The following ADAM23 variants were observed in gnomAD, a reference collection of about 807,000 sequenced individuals.
ADAM23 encodes the protein disintegrin and metalloproteinase domain-containing protein 23.
A neutral mutation model predicts 120.1 loss-of-function variants in ADAM23; 33 were observed. That is an observed-to-expected ratio of 0.27 (90% confidence interval 0.21 to 0.37). The LOEUF is 0.37. Ranked by LOEUF, ADAM23 falls within the 10% of genes least tolerant of loss-of-function variation. The pLI, the probability that ADAM23 is intolerant of heterozygous loss-of-function variation, is 1.00. For missense variants in ADAM23, 862 were observed against 1,058.2 expected, an observed-to-expected ratio of 0.81 and a Z score of 2.57; for synonymous variants, 367 against 375.2, an observed-to-expected ratio of 0.98 and a Z score of 0.25.
At chr2:206,572,982 T>G (rs1698035002) in intron 17 of ADAM23, 133 bp from the exon 18 acceptor site, 7 of 837,796 alleles carry the variant, frequency 8.4e-6, no homozygotes, top group Non-Finnish European at 1.4e-5. Flanking sequence ...GGATATTCTG[T>G]CTTGCTAATT....
At chr2:206,583,618 T>C (rs1316533626) in intron 18 of ADAM23, among the ~76,000 whole-genome samples, 1 of 152,206 alleles carries the variant, frequency 6.6e-6, no homozygotes, top group Non-Finnish European at 1.5e-5. Context: ...GTCTTTGAAC[T>C]CTTAATTTCT....
At chr2:206,608,381 C>G (rs1351086172) in intron 24 of ADAM23, among the ~76,000 whole-genome samples, 1 of 152,154 alleles carries the variant, frequency 6.6e-6, no homozygotes, top group East Asian at 1.9e-4. Context: ...CATCTTGCCG[C>G]TATCACTCAC....
chr2:206,484,686 T>G (rs1335199189), intron 3 of ADAM23, among the ~76,000 whole-genome samples: 1 of 152,174 alleles, frequency 6.6e-6, no homozygotes, highest in Admixed American at 6.5e-5. Flanking sequence ...GAAAACTAAC[T>G]GCAGTGAGAG....
rs146984813 is a variant in ADAM23, at chr2:206,602,266, A to G, written c.2359+6104A>G. Among the ~76,000 whole-genome samples the G allele has an allele frequency of 2.6e-4, 40 of 152,248 alleles. No individual in the cohort carries two copies. The East Asian group carries it at 6.7e-3, about 26-fold the overall frequency. On this transcript the variant is annotated intron_variant, in intron 24 of 25. Coordinates refer to ENST00000264377, the MANE Select transcript of ADAM23 (RefSeq NM_003812.4). ...TTTTGTTTCAGTTCAGAAAAACCCT[A>G]TTTTCATTGACAGCATAAACTGAAA...
At chr2:206,533,270 C>T (rs935998691) in intron 4 of ADAM23, among the ~76,000 whole-genome samples, 3 of 152,072 alleles carry the variant, frequency 2.0e-5, no homozygotes, top group East Asian at 1.9e-4. Flanking sequence ...GGTGCAATCT[C>T]GGCTCACTGC....
chr2:206,562,557 G>T (rs1697788434), intron 13 of ADAM23, among the ~76,000 whole-genome samples: 1 of 152,134 alleles, frequency 6.6e-6, no homozygotes, highest in Admixed American at 6.5e-5. Flanking sequence ...AGAATGTGGG[G>T]CTGGGGGCAG....
chr2:206,605,893 G>C (rs199697950), intron 24 of ADAM23: 1 of 659,536 alleles, frequency 1.5e-6, no homozygotes, highest in African/African-American at 1.8e-5. Flanking sequence ...AAGCATCCTT[G>C]CCAGTTTCAG....
At chr2:206,550,975 T>C (rs1008050851) in intron 9 of ADAM23, among the ~76,000 whole-genome samples, 1 of 152,190 alleles carries the variant, frequency 6.6e-6, no homozygotes, top group African/African-American at 2.4e-5. Context: ...TGATTGAATA[T>C]GTCATTTCAG....
At chr2:206,570,843 A>G (rs1697981893) in intron 16 of ADAM23, 32 bp downstream of exon 16, 3 of 1,581,310 alleles carry the variant, frequency 1.9e-6, no homozygotes, top group Non-Finnish European at 8.7e-7. Context: ...TACTTACAGC[A>G]CAGATCTTAC....
chr2:206,480,056 C>A (rs868691895), intron 2 of ADAM23, among the ~76,000 whole-genome samples: 1 of 151,940 alleles, frequency 6.6e-6, no homozygotes, highest in African/African-American at 2.4e-5. Context: ...TTTGCAAGAC[C>A]CCTGTGATAT....
intron 3 of ADAM23, among the ~76,000 whole-genome samples, chr2:206,514,956 T>C (rs1304676788): frequency 2.0e-5 from 3 of 152,228 alleles, no homozygotes; most frequent in Non-Finnish European, 4.4e-5. Context: ...AGTGTAAACC[T>C]ACCTTTTATG....
intron 3 of ADAM23, among the ~76,000 whole-genome samples, chr2:206,492,200 T>C (rs1696148178): frequency 6.6e-6 from 1 of 152,084 alleles, no homozygotes; most frequent in South Asian, 2.1e-4. Flanking sequence ...AGATTAGAGG[T>C]AGAAATGGAT....
chr2:206,602,590 C>G (rs961512292), intron 24 of ADAM23, among the ~76,000 whole-genome samples: 4 of 152,040 alleles, frequency 2.6e-5, no homozygotes, highest in African/African-American at 9.7e-5. Flanking sequence ...TCAAAAGATA[C>G]AGGATTTTAA....
chr2:206,592,657 C>T lies in ADAM23; in HGVS notation c.1999C>T (p.Arg667Ter). Residue 667 changes from arginine (R) to a stop codon, truncating the protein, a stop_gained, in exon 22 of 26, where the codon CGA becomes TGA. Transcript: ENST00000264377. LOFTEE classifies it high-confidence loss of function. ...CGFLLCTNLT[R>*]APRIGQLQGE... ...ATTCTTACTCTGTACCAATCTTACT[C>T]GAGCTCCACGTATTGGTCAACTTCA... The T allele has an allele frequency of 6.2e-7, 1 of 1,613,906 alleles. No homozygotes were observed. Among genetic ancestry groups the T allele is most frequent in the Non-Finnish European group, 8.5e-7 (1 of 1,179,918 alleles).
chr2:206,571,588 A>G (rs1056937504), intron 16 of ADAM23, 139 bp from the exon 17 acceptor site: 8 of 588,422 alleles, frequency 1.4e-5, no homozygotes, highest in South Asian at 2.4e-5. Flanking sequence ...CCTTGTTTAA[A>G]GTAATTAATT....
chr2:206,578,002 T>C (rs1157375229), intron 18 of ADAM23, among the ~76,000 whole-genome samples: 1 of 152,162 alleles, frequency 6.6e-6, no homozygotes, highest in African/African-American at 2.4e-5. Context: ...TTTGCATTTC[T>C]CTGATGGCCA....
Position 206,531,895 on chromosome 2 carries a change from T to A in ADAM23, c.573+947T>A, listed in dbSNP as rs138356343. On this transcript the variant is annotated intron_variant, in intron 4 of 25. Transcript: ENST00000264377. The stretch of plus-strand genomic sequence containing the variant: ...AATCTGATGGCTTCTCAGCAAATGT[T>A]TATAGGTGTCCTTCATTATAAATAC... Among the ~76,000 whole-genome samples, 824 of 152,336 alleles carry A rather than the reference T, an allele frequency of 5.4e-3. 7 individuals are homozygous for A. The highest frequency in any genetic ancestry group is 0.019 in the African/African-American group (792 of 41,568).
chr2:206,552,596 A>G (rs1697553172), intron 9 of ADAM23, among the ~76,000 whole-genome samples: 1 of 152,092 alleles, frequency 6.6e-6, no homozygotes, highest in African/African-American at 2.4e-5. Context: ...TTCCTTATTT[A>G]GGCTATCAAA....
chr2:206,543,385 G>A (rs1419376614), intron 6 of ADAM23, 69 bp downstream of exon 6: 13 of 1,308,302 alleles, frequency 9.9e-6, no homozygotes, highest in African/African-American at 1.5e-5. Flanking sequence ...GAGAAGAAAA[G>A]AGAAAAGAGT....
Sources: allele counts gnomAD v4.1 joint callset (sites outside exome capture counted in the v4.1 genomes callset), GRCh38; gene constraint gnomAD v4.1.1; transcripts MANE v1.5; gene names NCBI Gene and HGNC (gene_info 2026-07-23, HGNC 2026-07-21).